TYR: variants seen among roughly 807,000 people sequenced by gnomAD.
TYR encodes tyrosinase.
TYR carries 58 observed loss-of-function variants against 51.5 expected under a neutral mutation model. The observed-to-expected ratio is 1.13, with a 90% CI of 0.91 to 1.40. TYR has a LOEUF of 1.40. Among genes scored for constraint, TYR ranks in the 40% most tolerant of loss-of-function variants. The pLI is 0.00. For missense variants in TYR, 732 were observed against 647.4 expected (o/e 1.13, Z -1.42); for synonymous variants, 263 against 235.2 (o/e 1.12, Z -1.08).
Position 89,246,749 on chromosome 11 carries a change from A to C in TYR, c.1184+18779A>C, listed in dbSNP as rs146491132. Among the ~76,000 whole-genome samples, 1,227 of 152,138 alleles carry C rather than the reference A, an allele frequency of 8.1e-3. 13 individuals are homozygous for C. The highest frequency in any genetic ancestry group is 0.027 in the African/African-American group (1,120 of 41,496). On this transcript the variant is annotated intron_variant, in intron 3 of 4. Coordinates refer to ENST00000263321, the MANE Select transcript of TYR (RefSeq NM_000372.5). ...AGACTGTCCTAACCCACATGCCTTC[A>C]AACCAGACGCCTTGCCAACTTGGCA...
At chr11:89,277,446 T>C (rs1333099222) in intron 3 of TYR, among the ~76,000 whole-genome samples, 1 of 151,684 alleles carries the variant, frequency 6.6e-6, no homozygotes, top group Non-Finnish European at 1.5e-5. Flanking sequence ...TTCTCTTGTA[T>C]TTTCATTATC....
intron 3 of TYR, among the ~76,000 whole-genome samples, chr11:89,235,941 C>T (rs1944104355): frequency 1.3e-5 from 2 of 152,196 alleles, no homozygotes; most frequent in South Asian, 4.2e-4. Flanking sequence ...ATGCCCCATA[C>T]ATACCTGTAA....
At position 89,295,483 on chromosome 11, in the gene TYR, G is replaced by A. The variant is rs1318160200; in HGVS notation, c.*117G>A. 9.0e-6 allele frequency: 12 copies of A among 1,338,980 alleles called. No homozygotes were observed. Among genetic ancestry groups the A allele is most frequent in the Non-Finnish European group, 1.2e-5 (12 of 965,520 alleles). The allele number at this position is 1,338,980 out of a possible 1,614,324, so 82.9% of individuals were successfully genotyped here. On this transcript the variant is annotated 3_prime_UTR_variant, in exon 5 of 5. Transcript: ENST00000263321. ...TTCTGTAAAGACCATTTGCAAAATT[G>A]TAACCTAATACAAAGTGTAGCCTTC...
chr11:89,212,465 A>G (rs970126096), intron 2 of TYR, among the ~76,000 whole-genome samples: 1 of 152,216 alleles, frequency 6.6e-6, no homozygotes, highest in Admixed American at 6.5e-5. Context: ...AACTAAAAAA[A>G]GTCCAGGATC....
intron 3 of TYR, among the ~76,000 whole-genome samples, chr11:89,241,142 A>G (rs567171534): frequency 2.6e-5 from 4 of 152,320 alleles, no homozygotes; most frequent in South Asian, 2.1e-4. Flanking sequence ...GTGTCTGTAA[A>G]TGCTCTTCAA....
Position 89,271,842 on chromosome 11 carries a change from C to A in TYR, c.1185-12931C>A, listed in dbSNP as rs1306373666. On this transcript the variant is annotated intron_variant, in intron 3 of 4. Transcript: ENST00000263321. ...GTTGTCAGTTCAACAGTGTTGACAG[C>A]ATCTTCACCAGAAATAAGTTTCATC... 2.0e-5 allele frequency among the ~76,000 whole-genome samples: 3 copies of A among 151,920 alleles called. No homozygotes were observed. The East Asian group carries it at 5.8e-4, about 30-fold the overall frequency.
chr11:89,213,316 A>G (rs898765241), intron 2 of TYR, among the ~76,000 whole-genome samples: 2 of 152,210 alleles, frequency 1.3e-5, no homozygotes, highest in Non-Finnish European at 2.9e-5. Flanking sequence ...GAGCCAAATC[A>G]TGAGTGAACT....
chr11:89,269,703 T>G (rs1161792301), intron 3 of TYR, among the ~76,000 whole-genome samples: 1 of 151,982 alleles, frequency 6.6e-6, no homozygotes, highest in East Asian at 1.9e-4. Context: ...TCGGCCACAG[T>G]TGAATTTCTT....
chr11:89,202,391 C>T (rs1258512937), intron 2 of TYR, among the ~76,000 whole-genome samples: 2 of 151,288 alleles, frequency 1.3e-5, no homozygotes, highest in East Asian at 1.9e-4. Context: ...TAAAAGCACA[C>T]ACTGTTGAGC....
At chr11:89,189,712 C>T (rs959805885) in intron 1 of TYR, among the ~76,000 whole-genome samples, 4 of 152,036 alleles carry the variant, frequency 2.6e-5, no homozygotes, top group African/African-American at 9.7e-5. Flanking sequence ...TTTTCTATAA[C>T]TATGTGAGGT....
rs147765276 is a variant in TYR, at chr11:89,190,510, T to A, written c.820-692T>A. Among the ~76,000 whole-genome samples the A allele has an allele frequency of 7.7e-3, 1,178 of 152,298 alleles. 15 individuals carry two copies. The highest frequency in any genetic ancestry group is 0.026 in the African/African-American group (1,084 of 41,570). On this transcript the variant is annotated intron_variant, in intron 1 of 4. Coordinates refer to ENST00000263321, the MANE Select transcript of TYR (RefSeq NM_000372.5). ...AAATATTTCCTACAGTTGTACAATATGTGTTTTAAGCTAAGTGCTATTATC... is the reference window on the plus strand; with the variant it reads ...AAATATTTCCTACAGTTGTACAATAAGTGTTTTAAGCTAAGTGCTATTATC...
chr11:89,245,026 A>C (rs1400923498), intron 3 of TYR, among the ~76,000 whole-genome samples: 1 of 152,194 alleles, frequency 6.6e-6, no homozygotes, highest in East Asian at 1.9e-4. Flanking sequence ...AATCTGCAGC[A>C]CCTATCACTA....
chr11:89,182,076 T>C lies in TYR; in HGVS notation c.819+3304T>C, dbSNP rs561064766. On this transcript the variant is annotated intron_variant, in intron 1 of 4. Coordinates refer to ENST00000263321, the MANE Select transcript of TYR (RefSeq NM_000372.5). ...CCTCTCCCCGTCTTTGTGCTATCAT[T>C]GTACTTTATACAGATTTGTATCATA... Among the ~76,000 whole-genome samples, 8 of 152,316 alleles carry C rather than the reference T, an allele frequency of 5.3e-5. No individual in the cohort carries two copies. In the South Asian group the frequency reaches 1.2e-3, roughly 24 times the overall value.
intron 3 of TYR, among the ~76,000 whole-genome samples, chr11:89,260,441 G>C (rs1445917123): frequency 6.6e-6 from 1 of 151,950 alleles, no homozygotes; most frequent in Non-Finnish European, 1.5e-5. Context: ...TGTGACCCCA[G>C]ATTTCTATAT....
At position 89,178,278 on chromosome 11, in the gene TYR, G is replaced by A. The variant is rs61753253; in HGVS notation, c.325G>A (p.Gly109Arg). 6.4e-5 allele frequency: 103 copies of A among 1,613,946 alleles called. 1 individual carries two copies. Among genetic ancestry groups the A allele is most frequent in the Non-Finnish European group, 7.8e-5 (92 of 1,180,028 alleles). The change falls in exon 1 of 5, where the codon GGA becomes AGA. Residue 109 changes from glycine (G) to arginine (R), a missense_variant. Physicochemically the swap from Gly to Arg is moderately radical, Grantham distance 125. Transcript: ENST00000263321. ...TGGAAACTGCAAGTTTGGCTTTTGG[G>A]GACCAAACTGCACAGAGAGACGACT... Reference protein sequence around the residue: ...NCGNCKFGFWGPNCTERRLLV... With the variant: ...NCGNCKFGFWRPNCTERRLLV...
chr11:89,217,124 T>C (rs1418455157), intron 2 of TYR, among the ~76,000 whole-genome samples: 1 of 152,232 alleles, frequency 6.6e-6, no homozygotes, highest in Admixed American at 6.5e-5. Context: ...AGTGTTGTTT[T>C]AAATTTCATG....
intron 2 of TYR, among the ~76,000 whole-genome samples, chr11:89,226,978 G>A (rs893793424): frequency 3.3e-5 from 5 of 152,022 alleles, no homozygotes; most frequent in Admixed American, 6.6e-5. Context: ...ATGGGCACAT[G>A]GGAGAGAACA....
chr11:89,253,029 T>C (rs1178885240), intron 3 of TYR, among the ~76,000 whole-genome samples: 4 of 151,888 alleles, frequency 2.6e-5, no homozygotes, highest in African/African-American at 9.6e-5. Flanking sequence ...CATGACTTTA[T>C]TTCTTCTTTC....
intron 2 of TYR, among the ~76,000 whole-genome samples, chr11:89,209,643 A>G (rs1220294084): frequency 6.6e-6 from 1 of 152,140 alleles, no homozygotes; most frequent in Non-Finnish European, 1.5e-5. Flanking sequence ...CCGATAATGG[A>G]CAGACGGCCT....
Sources: allele counts gnomAD v4.1 joint callset (sites outside exome capture counted in the v4.1 genomes callset), GRCh38; gene constraint gnomAD v4.1.1; transcripts MANE v1.5; gene names NCBI Gene and HGNC (gene_info 2026-07-23, HGNC 2026-07-21).